Variants in TENM3 observed in about 807,000 individuals in gnomAD.
TENM3 encodes the protein teneurin-3.
In TENM3, 63 loss-of-function variants were observed where a neutral mutation model predicts 255.1. The ratio of observed to expected loss-of-function variants is 0.25; its 90% CI spans 0.20 to 0.30. The LOEUF is 0.30. TENM3 is among the 10% of genes least tolerant of loss of function. The pLI, the probability that TENM3 is intolerant of heterozygous loss-of-function variation, is 1.00. For synonymous variants in TENM3, 1,306 were observed against 1,322.3 expected (o/e 0.99, Z 0.27); for missense variants, 2,929 against 3,461.1 (o/e 0.85, Z 3.86).
At chr4:182,465,857 A>G (rs747516607) in intron 3 of TENM3, among the ~76,000 whole-genome samples, 6 of 152,168 alleles carry the variant, frequency 3.9e-5, no homozygotes, top group Admixed American at 6.5e-5. Flanking sequence ...ATATAAAATA[A>G]AATGTCTTTA....
the TENM3 span, among the ~76,000 whole-genome samples, chr4:182,102,018 G>A: frequency 1.3e-5 from 2 of 152,180 alleles, no homozygotes; most frequent in Admixed American, 6.5e-5. Context: ...AGCCGGGGCT[G>A]AGGCTGCAAG....
At chr4:182,352,473 A>G (rs1179755825) in intron 3 of TENM3, among the ~76,000 whole-genome samples, 1 of 152,172 alleles carries the variant, frequency 6.6e-6, no homozygotes, top group Non-Finnish European at 1.5e-5. Context: ...ATCAGTTCAC[A>G]CAATAAAATA....
chr4:182,476,825 CAGG>C (rs376867096), intron 3 of TENM3, among the ~76,000 whole-genome samples: 22 of 152,176 alleles, frequency 1.4e-4, no homozygotes, highest in African/African-American at 5.1e-4. Flanking sequence ...TGTTGTCTCA[CAGG>C]AGGTCATTAC....
the TENM3 span, among the ~76,000 whole-genome samples, chr4:182,052,123 G>A: frequency 6.6e-6 from 1 of 152,044 alleles, no homozygotes; most frequent in Non-Finnish European, 1.5e-5. Context: ...AATGTCAGTG[G>A]TGCCAAAGCT....
At chr4:182,322,544 G>A (rs756345265) in intron 1 of TENM3, among the ~76,000 whole-genome samples, 2 of 152,170 alleles carry the variant, frequency 1.3e-5, no homozygotes, top group Non-Finnish European at 2.9e-5. Context: ...CATTTGTAAC[G>A]TTACAACAGA....
chr4:181,990,875 T>TC, the TENM3 span, among the ~76,000 whole-genome samples: 1 of 152,128 alleles, frequency 6.6e-6, no homozygotes, highest in Non-Finnish European at 1.5e-5. Flanking sequence ...TTCAATAGCA[T>TC]CACTGATAGG....
chr4:181,577,310 G>C, the TENM3 span, among the ~76,000 whole-genome samples: 1 of 149,392 alleles, frequency 6.7e-6, no homozygotes, highest in African/African-American at 2.5e-5. Flanking sequence ...CAAAGTGCCG[G>C]GATTACAGGC....
chr4:181,931,464 T>C, the TENM3 span, among the ~76,000 whole-genome samples: 1 of 152,164 alleles, frequency 6.6e-6, no homozygotes, highest in African/African-American at 2.4e-5. Context: ...ACAAGGGATG[T>C]GAAGCACCTC....
At chr4:182,100,574 TAC>T in the TENM3 span, among the ~76,000 whole-genome samples, 1 of 86,310 alleles carries the variant, frequency 1.2e-5, no homozygotes, top group Admixed American at 1.3e-4. Context: ...CACATATATA[TAC>T]ACATATATAT....
At chr4:182,695,069 AT>A (rs2152615205) in intron 12 of TENM3, among the ~76,000 whole-genome samples, 1 of 152,332 alleles carries the variant, frequency 6.6e-6, no homozygotes, top group Admixed American at 6.5e-5. Context: ...AATTCTAAAA[AT>A]ATCTTTTTAG....
chr4:181,704,714 T>C, the TENM3 span, among the ~76,000 whole-genome samples: 1 of 152,050 alleles, frequency 6.6e-6, no homozygotes, highest in South Asian at 2.1e-4. Flanking sequence ...TGTTCTACAC[T>C]AGGTGATGGG....
At chr4:182,032,897 C>CTTTATCA in the TENM3 span, among the ~76,000 whole-genome samples, 15 of 151,944 alleles carry the variant, frequency 9.9e-5, no homozygotes, top group South Asian at 2.1e-3. Flanking sequence ...ATGATGTCCC[C>CTTTATCA]TTTATCATTT....
chr4:182,077,020 C>A, the TENM3 span, among the ~76,000 whole-genome samples: 5 of 152,182 alleles, frequency 3.3e-5, no homozygotes, highest in Non-Finnish European at 5.9e-5. Flanking sequence ...TTGATTTCTT[C>A]CATAACCTTT....
chr4:182,446,181 G>C (rs185559802), intron 3 of TENM3, among the ~76,000 whole-genome samples: 1 of 152,104 alleles, frequency 6.6e-6, no homozygotes, highest in Non-Finnish European at 1.5e-5. Context: ...GCTCAGCTTC[G>C]TTCAGTGTAA....
At chr4:182,724,427 G>A (rs533980326) in intron 13 of TENM3, among the ~76,000 whole-genome samples, 14 of 152,286 alleles carry the variant, frequency 9.2e-5, no homozygotes, top group East Asian at 1.9e-4. Context: ...ATAACCATCC[G>A]TCACTTGCTT....
At chr4:182,198,886 A>G (rs999952740) in intron 1 of TENM3, among the ~76,000 whole-genome samples, 7 of 152,194 alleles carry the variant, frequency 4.6e-5, no homozygotes, top group Non-Finnish European at 1.0e-4. Flanking sequence ...GATGGAAAAG[A>G]GGATTGGGAG....
At chr4:182,235,265 T>C (rs1756823560) in intron 1 of TENM3, among the ~76,000 whole-genome samples, 2 of 152,262 alleles carry the variant, frequency 1.3e-5, no homozygotes, top group Non-Finnish European at 2.9e-5. Context: ...GTGGGCATCA[T>C]AGGAAAAAAA....
At chr4:181,856,100 A>AGGAAGAAGGAAGGAAAGAAGGAAGAAG in the TENM3 span, among the ~76,000 whole-genome samples, 1 of 107,334 alleles carries the variant, frequency 9.3e-6, no homozygotes, top group Admixed American at 8.8e-5. Context: ...GGAAAGGGAA[A>AGGAAGAAGGAAGGAAAGAAGGAAGAAG]GAAGGAAGGA....
At chr4:182,314,417 T>C (rs1762636245) in intron 1 of TENM3, among the ~76,000 whole-genome samples, 1 of 152,210 alleles carries the variant, frequency 6.6e-6, no homozygotes, top group African/African-American at 2.4e-5. Flanking sequence ...GATAAGTGAA[T>C]AAGTAAAGAA....
Sources: allele counts gnomAD v4.1 joint callset (sites outside exome capture counted in the v4.1 genomes callset), GRCh38; gene constraint gnomAD v4.1.1; transcripts MANE v1.5; gene names NCBI Gene and HGNC (gene_info 2026-07-23, HGNC 2026-07-21).